RPGR: variants seen among roughly 807,000 people sequenced by gnomAD.
RPGR encodes the protein X-linked retinitis pigmentosa GTPase regulator.
A neutral mutation model predicts 56.3 loss-of-function variants in RPGR; 10 were observed. The observed-to-expected ratio is 0.18, with a 90% CI of 0.11 to 0.30. RPGR has a LOEUF of 0.30. Ranked by LOEUF, RPGR falls within the 10% of genes least tolerant of loss-of-function variation. RPGR has a pLI of 1.00. For missense variants in RPGR, 538 were observed against 590.9 expected, an observed-to-expected ratio of 0.91 and a Z score of 0.93; for synonymous variants, 197 against 212.9, an observed-to-expected ratio of 0.93 and a Z score of 0.65.
chrX:38,285,960 C>G lies in RPGR; in HGVS notation c.1905+1134G>C, dbSNP rs748827157. On this transcript the variant is annotated intron_variant, in intron 15 of 18. Coordinates refer to ENST00000642395, the MANE Select transcript of RPGR (RefSeq NM_000328.3). ...CCACTTCCCCTTCCTCTTCTTCCTC[C>G]CCTTCTCCCTCCCCTTCTTCCTCTC... 4 of 1,104,232 alleles carry G rather than the reference C, an allele frequency of 3.6e-6. No individual in the cohort carries two copies. In the South Asian group the frequency reaches 8.2e-5, roughly 23 times the overall value. The allele number at this position is 1,104,232 out of a possible 1,213,427, so 91.0% of individuals were successfully genotyped here.
intron 15 of RPGR, among the ~76,000 whole-genome samples, chrX:38,281,121 T>C (rs190643872): frequency 1.1e-4 from 12 of 112,861 alleles, no homozygotes; most frequent in Non-Finnish European, 2.1e-4. Context: ...GTTCAGAGTA[T>C]AGAATATCTT....
intron 10 of RPGR, chrX:38,298,379 G>A (rs2052449858): frequency 3.1e-6 from 1 of 319,843 alleles, no homozygotes; most frequent in Non-Finnish European, 6.0e-6. Context: ...TCTAATTGAA[G>A]TCCTTATTCC....
intron 8 of RPGR, 103 bp from the exon 9 acceptor site, chrX:38,301,474 C>T: frequency 1.3e-6 from 1 of 767,355 alleles, no homozygotes; most frequent in Non-Finnish European, 1.9e-6. Context: ...ATAATTATCC[C>T]CCTCAAATTC....
At chrX:38,312,569 A>G (rs1335947804) in intron 6 of RPGR, among the ~76,000 whole-genome samples, 1 of 111,639 alleles carries the variant, frequency 9.0e-6, no homozygotes, top group Admixed American at 9.5e-5. Context: ...AACCAGTCAT[A>G]TTTCTATCTA....
At chrX:38,286,709 C>T (rs756800463) in intron 15 of RPGR, 1 of 1,154,779 alleles carries the variant, frequency 8.7e-7, no homozygotes, top group Non-Finnish European at 1.2e-6. Flanking sequence ...TCTCCCTCCA[C>T]TTCTTCCCCT....
intron 13 of RPGR, among the ~76,000 whole-genome samples, chrX:38,289,362 A>C (rs2147207370): frequency 8.9e-6 from 1 of 112,408 alleles, no homozygotes; most frequent in African/African-American, 3.2e-5. Flanking sequence ...TATTAAGTGT[A>C]AAATGTAAGA....
At chrX:38,300,839 C>T (rs762734464) in intron 9 of RPGR, among the ~76,000 whole-genome samples, 2 of 112,261 alleles carry the variant, frequency 1.8e-5, no homozygotes, top group South Asian at 3.6e-4. Flanking sequence ...CCTGCCAAAA[C>T]GCTTTGTTTA....
At chrX:38,316,317 A>T (rs1045201398) in intron 6 of RPGR, among the ~76,000 whole-genome samples, 18 of 111,574 alleles carry the variant, frequency 1.6e-4, no homozygotes, top group Non-Finnish European at 3.2e-4. Flanking sequence ...AAACAAACCA[A>T]AAAAAAGCTC....
At chrX:38,313,485 C>T (rs766149035) in intron 6 of RPGR, among the ~76,000 whole-genome samples, 2 of 111,746 alleles carry the variant, frequency 1.8e-5, no homozygotes, top group South Asian at 7.4e-4. Flanking sequence ...TAGGAATAAC[C>T]GAATTAATGC....
chrX:38,325,070 T>C (rs1364919265), intron 1 of RPGR, among the ~76,000 whole-genome samples: 1 of 103,682 alleles, frequency 9.6e-6, no homozygotes, highest in Non-Finnish European at 2.0e-5. Flanking sequence ...CTCGGGGGGC[T>C]GAGGCAGGAC....
intron 13 of RPGR, among the ~76,000 whole-genome samples, 189 bp from the exon 14 acceptor site, chrX:38,288,230 G>A (rs1325700476): frequency 1.8e-5 from 2 of 111,750 alleles, no homozygotes; most frequent in Non-Finnish European, 3.8e-5. Context: ...TCTCTAGTCT[G>A]TGATACATCT....
rs35637775 is a variant in RPGR, at chrX:38,285,414, CT to C, written c.1905+1679del. Reference sequence around the variant, plus strand: ...CTCCTTAACACAGCTGCATCAGTTGCTTTTTTTTTTACTACACATAAAATAA... The same window carrying C: ...CTCCTTAACACAGCTGCATCAGTTGCTTTTTTTTTACTACACATAAAATAA... On this transcript the variant is annotated intron_variant, in intron 15 of 18. Transcript: ENST00000642395. The C allele has an allele frequency of 0.23, 217,731 of 964,114 alleles. 22,223 individuals carry two copies. The highest frequency in any genetic ancestry group is 0.7 in the East Asian group (19,842 of 28,189). The allele number at this position is 964,114 out of a possible 1,213,427, so 79.5% of individuals were successfully genotyped here. A position where few individuals can be genotyped will look rare whatever the true frequency, so the allele number is the denominator to read the frequency against.
intron 15 of RPGR, among the ~76,000 whole-genome samples, chrX:38,278,215 T>C (rs1452330674): frequency 8.9e-6 from 1 of 112,091 alleles, no homozygotes; most frequent in Non-Finnish European, 1.9e-5. Flanking sequence ...TTAAGCTTTG[T>C]TTTTGTCTGC....
rs757403373 is a variant in RPGR at position 38,322,955 on chromosome X, G to C, written c.155-10C>G. On this transcript the variant is annotated splice_polypyrimidine_tract_variant and intron_variant, in intron 2 of 18. Transcript: ENST00000642395. ...TAAAGTTTATTATTTCCTGGTAGGA[G>C]GGAAAAAGAAATAATCAATTGAAGC... 4.3e-6 allele frequency: 5 copies of C among 1,156,118 alleles called. No homozygotes were observed. Among genetic ancestry groups the C allele is most frequent in the Non-Finnish European group, 5.9e-6 (5 of 846,200 alleles).
rs1315296776 is a variant in RPGR, at chrX:38,287,919, T to C, written c.1695A>G (p.Gln565=). Residue 565 remains glutamine, a synonymous_variant, in exon 14 of 19, where the codon CAA becomes CAG. Transcript: ENST00000642395. Reference sequence around the variant, plus strand: ...TAGCTGGCTGCGTCATGAAAATCCCTTGTGACACATGTTGTTTACATGCTT... The same window carrying C: ...TAGCTGGCTGCGTCATGAAAATCCCCTGTGACACATGTTGTTTACATGCTT... 9.9e-6 allele frequency: 12 copies of C among 1,211,349 alleles called. No homozygotes were observed. The Admixed American group carries it at 1.7e-4, about 18-fold the overall frequency.
In RPGR at chrX:38,306,844, G is replaced by C. The variant is rs191036170; in HGVS notation, c.779-2054C>G. Among the ~76,000 whole-genome samples, 811 of 112,415 alleles carry C rather than the reference G, an allele frequency of 7.2e-3. 8 individuals are homozygous for C. The highest frequency in any genetic ancestry group is 0.025 in the African/African-American group (771 of 31,015). The stretch of plus-strand genomic sequence containing the variant: ...TTCCCATTCAGGTGCTTGGATATTA[G>C]TGATGACAGCAGTTTCTATTTTATA... On this transcript the variant is annotated intron_variant, in intron 7 of 18. Transcript: ENST00000642395.
At chrX:38,285,514 C>G in intron 15 of RPGR, 1 of 1,210,042 alleles carries the variant, frequency 8.3e-7, no homozygotes, top group Non-Finnish European at 1.1e-6. Flanking sequence ...TCTGACTGGC[C>G]ATAATCGGGT....
chrX:38,274,617 C>T lies in RPGR; in HGVS notation c.2149+472G>A, dbSNP rs941038271. 2.7e-5 allele frequency among the ~76,000 whole-genome samples: 3 copies of T among 111,438 alleles called. No homozygotes were observed. The East Asian group carries it at 8.5e-4, about 31-fold the overall frequency. ...ATCACCTGAGGTCAGGAGTTTGAGA[C>T]TCGCCTGGACAATATGGCAAAACCA... On this transcript the variant is annotated intron_variant, in intron 17 of 18. Transcript: ENST00000642395.
Position 38,286,784 on chromosome X carries a change from C to G in RPGR, c.1905+310G>C, listed in dbSNP as rs1459539276. 7 of 1,154,280 alleles carry G rather than the reference C, an allele frequency of 6.1e-6. No homozygotes were observed. The Admixed American group carries it at 8.1e-5, about 13-fold the overall frequency. On this transcript the variant is annotated intron_variant, in intron 15 of 18. Coordinates refer to ENST00000642395, the MANE Select transcript of RPGR (RefSeq NM_000328.3). ...TCTTCTCTGTCTCCCTCCTCTTCTT[C>G]TCCTTCTCCATGCTCCTCCTCCCCT...
Sources: gnomAD v4.1 joint callset for allele counts (sites outside exome capture counted in the v4.1 genomes callset) on GRCh38, gnomAD v4.1.1 for gene constraint, MANE v1.5 for transcripts, NCBI Gene and HGNC (gene_info 2026-07-23, HGNC 2026-07-21) for gene names.